Variants in ITGB3 observed in about 807,000 individuals in gnomAD.
The protein encoded by ITGB3 is integrin beta-3.
A neutral mutation model predicts 85.8 loss-of-function variants in ITGB3; 48 were observed. The ratio of observed to expected loss-of-function variants is 0.56; its 90% CI spans 0.44 to 0.71. ITGB3 has a LOEUF of 0.71. Among genes scored for constraint, ITGB3 ranks in the 30% least tolerant of loss-of-function variants. The pLI is 0.00. For synonymous variants in ITGB3, 363 were observed against 395.6 expected, an observed-to-expected ratio of 0.92 and a Z score of 0.98; for missense variants, 861 against 1,019.1, an observed-to-expected ratio of 0.84 and a Z score of 2.11.
chr17:47,274,542 C>A, intron 2 of ITGB3, 38 bp downstream of exon 2: 1 of 1,570,450 alleles, frequency 6.4e-7, no homozygotes, highest in Non-Finnish European at 8.8e-7. Flanking sequence ...CTTCTCCAGA[C>A]TAAGCTGCTT....
intron 2 of ITGB3, chr17:47,279,537 G>A (rs2065075840): frequency 6.6e-6 from 1 of 152,212 alleles, no homozygotes; most frequent in Non-Finnish European, 1.5e-5. Flanking sequence ...TTGTTTTTCA[G>A]TGTTTAATTT....
At chr17:47,291,281 G>GCGTAAGCCATTTCTGTTA in intron 9 of ITGB3, 193 bp downstream of exon 9, 1 of 644,470 alleles carries the variant, frequency 1.6e-6, no homozygotes, top group African/African-American at 1.8e-5. Flanking sequence ...GGCTTCTGTT[G>GCGTAAGCCATTTCTGTTA]CGTAAGCCAT....
chr17:47,253,953 C>T lies in ITGB3; in HGVS notation c.79+13C>T, dbSNP rs1242446781. On this transcript the variant is annotated intron_variant, in intron 1 of 14. Coordinates refer to ENST00000559488, the MANE Select transcript of ITGB3 (RefSeq NM_000212.3). Reference sequence around the variant, plus strand: ...GTTGGCGTAGGAGGTGAGTGAGGCTCCGGCTCGGCAGCGTCGCAGCTGCCC... The same window carrying T: ...GTTGGCGTAGGAGGTGAGTGAGGCTTCGGCTCGGCAGCGTCGCAGCTGCCC... The T allele has an allele frequency of 4.3e-6, 6 of 1,407,974 alleles. No individual in the cohort carries two copies. The highest frequency in any genetic ancestry group is 4.7e-6 in the Non-Finnish European group (5 of 1,072,576). 87.2% of individuals were successfully genotyped at this position (1,407,974 alleles called of 1,614,324 possible).
chr17:47,284,412 AGAT>A (rs750191294), intron 3 of ITGB3, 28 bp from the exon 4 acceptor site: 1 of 1,614,014 alleles, frequency 6.2e-7, no homozygotes, highest in South Asian at 1.1e-5. Context: ...TGGGAGAAGA[AGAT>A]AAAAACTAAC....
chr17:47,288,609 A>G (rs1166296588), intron 6 of ITGB3, among the ~76,000 whole-genome samples: 1 of 152,150 alleles, frequency 6.6e-6, no homozygotes, highest in Admixed American at 6.5e-5. Context: ...TGCAAGGTCT[A>G]GGATCCCATG....
chr17:47,310,759 G>C lies in ITGB3; in HGVS notation c.*555G>C, dbSNP rs2065211188. 5.4e-6 allele frequency: 1 copy of C among 186,738 alleles called. No homozygotes were observed. Among genetic ancestry groups the C allele is most frequent in the South Asian group, 1.2e-4 (1 of 8,226 alleles). The allele number at this position is 186,738 out of a possible 1,614,324, so 11.6% of individuals were successfully genotyped here. Reference sequence around the variant, plus strand: ...CCTCTGCCTCCTTTCCCCTCCCTCAGGCCGAAGGAGGAGTCAGGGAGAGCT... The same window carrying C: ...CCTCTGCCTCCTTTCCCCTCCCTCACGCCGAAGGAGGAGTCAGGGAGAGCT... On this transcript the variant is annotated 3_prime_UTR_variant, in exon 15 of 15. Coordinates refer to ENST00000559488, the MANE Select transcript of ITGB3 (RefSeq NM_000212.3).
intron 13 of ITGB3, among the ~76,000 whole-genome samples, chr17:47,306,935 C>T (rs1012690959): frequency 3.3e-5 from 5 of 152,186 alleles, no homozygotes; most frequent in Non-Finnish European, 7.3e-5. Context: ...CCACCTTGGC[C>T]TCCCAAAGTG....
chr17:47,309,203 G>C (rs1196398968), intron 14 of ITGB3, among the ~76,000 whole-genome samples: 1 of 150,838 alleles, frequency 6.6e-6, no homozygotes, highest in Non-Finnish European at 1.5e-5. Context: ...ACACATCACC[G>C]AGCCAGCTAA....
chr17:47,269,124 G>C (rs2065035592), intron 1 of ITGB3, among the ~76,000 whole-genome samples: 2 of 152,156 alleles, frequency 1.3e-5, no homozygotes, highest in Non-Finnish European at 2.9e-5. Flanking sequence ...CAAGTTCCTA[G>C]GCTGCACATA....
At chr17:47,307,713 G>A in intron 14 of ITGB3, 76 bp downstream of exon 14, 1 of 1,428,974 alleles carries the variant, frequency 7.0e-7, no homozygotes, top group Non-Finnish European at 9.8e-7. Flanking sequence ...TGCTTTGGGT[G>A]GTCATGTTCA....
chr17:47,303,474 G>A (rs1356805822), intron 13 of ITGB3: 1 of 152,966 alleles, frequency 6.5e-6, no homozygotes. Flanking sequence ...AAGAAATAAA[G>A]AATTTAAATT....
At position 47,292,373 on chromosome 17, in the gene ITGB3, T is replaced by C. The variant is rs2143113460; in HGVS notation, c.1495T>C (p.Cys499Arg). 1 of 1,614,084 alleles carries C rather than the reference T, an allele frequency of 6.2e-7. No homozygotes were observed. The highest frequency in any genetic ancestry group is 1.3e-5 in the African/African-American group (1 of 75,010). ...TGGCTGGCTGGGATCCCAGTGTGAG[T>C]GCTCAGAGGAGGACTATCGCCCTTC... ...GPGWLGSQCE[C>R]SEEDYRPSQQ... Residue 499 changes from cysteine to arginine, a missense_variant, in exon 10 of 15, where the codon TGC (cysteine) becomes CGC (arginine). Transcript: ENST00000559488.
At position 47,254,590 on chromosome 17, in the gene ITGB3, A is replaced by G. The variant is rs555311395; in HGVS notation, c.79+650A>G. On this transcript the variant is annotated intron_variant, in intron 1 of 14. Transcript: ENST00000559488. The stretch of plus-strand genomic sequence containing the variant: ...AGGTGGCAGCGGTGCCTCTGCTCCC[A>G]GGGCAGACCCTGCACCCGAAAAATC... 4.6e-5 allele frequency among the ~76,000 whole-genome samples: 7 copies of G among 152,168 alleles called. No individual in the cohort carries two copies. In the South Asian group the frequency reaches 1.0e-3, roughly 23 times the overall value.
chr17:47,270,047 C>A (rs982739366), intron 1 of ITGB3, among the ~76,000 whole-genome samples: 2 of 152,168 alleles, frequency 1.3e-5, no homozygotes, highest in African/African-American at 4.8e-5. Context: ...TTTTATTAAA[C>A]CATCAGATCT....
chr17:47,306,243 C>A (rs1490508463), intron 13 of ITGB3, among the ~76,000 whole-genome samples: 1 of 152,162 alleles, frequency 6.6e-6, no homozygotes, highest in African/African-American at 2.4e-5. Context: ...TGCTGCTCTG[C>A]AGGAATATAA....
intron 13 of ITGB3, among the ~76,000 whole-genome samples, chr17:47,303,059 C>T (rs1157736322): frequency 6.6e-6 from 1 of 152,118 alleles, no homozygotes; most frequent in Non-Finnish European, 1.5e-5. Context: ...ACCAGCCTGG[C>T]CAACATGGTG....
chr17:47,307,144 C>T (rs1208467656), intron 13 of ITGB3, among the ~76,000 whole-genome samples: 2 of 152,118 alleles, frequency 1.3e-5, no homozygotes, highest in Non-Finnish European at 2.9e-5. Flanking sequence ...TCCCCACCTC[C>T]TCCCCGTCTC....
intron 1 of ITGB3, among the ~76,000 whole-genome samples, chr17:47,260,162 C>T (rs979185027): frequency 3.9e-5 from 6 of 152,100 alleles, no homozygotes; most frequent in East Asian, 1.9e-4. Context: ...GAAAGAACAA[C>T]GTATCTGGAA....
intron 1 of ITGB3, among the ~76,000 whole-genome samples, chr17:47,269,345 G>A (rs141548677): frequency 0.021 from 3,167 of 152,156 alleles, 94 homozygotes; most frequent in African/African-American, 0.073. Flanking sequence ...CTATCACATC[G>A]TCAGGCTGCA....
Sources: gnomAD v4.1 joint callset for allele counts (sites outside exome capture counted in the v4.1 genomes callset) on GRCh38, gnomAD v4.1.1 for gene constraint, MANE v1.5 for transcripts, NCBI Gene and HGNC (gene_info 2026-07-23, HGNC 2026-07-21) for gene names.